Variants in ACOXL observed in about 807,000 individuals in gnomAD.
ACOXL encodes the protein acyl-CoA oxidase like.
Under a neutral mutation model 71.9 loss-of-function variants are expected in ACOXL, and 70 were observed. The observed-to-expected ratio is 0.97, with a 90% CI of 0.80 to 1.19. The LOEUF is 1.19. ACOXL is among the 50% of genes most tolerant of loss of function. ACOXL has a pLI of 0.00. For missense variants in ACOXL, 703 were observed against 736.3 expected (o/e 0.95, Z 0.52); for synonymous variants, 253 against 281.6 (o/e 0.90, Z 1.02).
At chr2:110,826,642 T>C (rs1433813464) in intron 9 of ACOXL, among the ~76,000 whole-genome samples, 1 of 152,164 alleles carries the variant, frequency 6.6e-6, no homozygotes, top group African/African-American at 2.4e-5. Context: ...CATTGATTCA[T>C]AGCAATGCAA....
chr2:111,024,139 C>T (rs1374322808), intron 14 of ACOXL, among the ~76,000 whole-genome samples: 1 of 152,176 alleles, frequency 6.6e-6, no homozygotes, highest in Non-Finnish European at 1.5e-5. Flanking sequence ...CAGCCTAGGA[C>T]TCAGGCTGTG....
chr2:111,009,045 G>A (rs1401270709), intron 14 of ACOXL, among the ~76,000 whole-genome samples: 2 of 151,992 alleles, frequency 1.3e-5, no homozygotes, highest in African/African-American at 4.8e-5. Context: ...CTTGTCTTTC[G>A]ACTTTGTTCA....
At chr2:110,740,913 C>T (rs765335920) in intron 1 of ACOXL, among the ~76,000 whole-genome samples, 2 of 152,266 alleles carry the variant, frequency 1.3e-5, no homozygotes, top group South Asian at 2.1e-4. Flanking sequence ...TTGTGGCTGA[C>T]GTGGACAGTT....
chr2:111,022,713 C>T (rs1005201076), intron 14 of ACOXL, among the ~76,000 whole-genome samples: 2 of 152,100 alleles, frequency 1.3e-5, no homozygotes, highest in African/African-American at 4.8e-5. Flanking sequence ...GACCTCCCAG[C>T]CAGGGCCAAC....
At chr2:110,960,876 A>G (rs189934094) in intron 12 of ACOXL, among the ~76,000 whole-genome samples, 39 of 152,318 alleles carry the variant, frequency 2.6e-4, no homozygotes, top group African/African-American at 8.7e-4. Context: ...GATGGCTGCA[A>G]GCCCCATTCA....
chr2:110,907,577 G>A (rs2059500523), intron 10 of ACOXL, among the ~76,000 whole-genome samples: 2 of 152,088 alleles, frequency 1.3e-5, no homozygotes, highest in African/African-American at 4.8e-5. Flanking sequence ...GATGAAGGGC[G>A]GGTTGGGGTG....
intron 10 of ACOXL, among the ~76,000 whole-genome samples, chr2:110,888,252 T>C (rs1434035542): frequency 6.6e-6 from 1 of 152,154 alleles, no homozygotes; most frequent in African/African-American, 2.4e-5. Context: ...CGGGAAGTGT[T>C]TAGGATCAAG....
Position 110,770,814 on chromosome 2 carries a change from C to T in ACOXL, c.75+2350C>T, listed in dbSNP as rs541480516. Among the ~76,000 whole-genome samples the T allele has an allele frequency of 2.4e-4, 37 of 152,358 alleles. 1 individual carries two copies. The South Asian group carries it at 7.5e-3, about 31-fold the overall frequency. On this transcript the variant is annotated intron_variant, in intron 2 of 17. Transcript: ENST00000439055. ...CTTCTTGCTCCCTTAATCAGCCCAA[C>T]ATGTCTGTGGCTTAACTTAGTGTCA...
intron 3 of ACOXL, among the ~76,000 whole-genome samples, chr2:110,792,464 T>C (rs112581182): frequency 5.2e-4 from 79 of 152,282 alleles, no homozygotes; most frequent in African/African-American, 1.8e-3. Context: ...TTCCTCCTTC[T>C]CTTTGTCAGC....
chr2:110,967,897 A>C, intron 12 of ACOXL: 1 of 1,179,414 alleles, frequency 8.5e-7, no homozygotes, highest in Non-Finnish European at 1.2e-6. Flanking sequence ...GAAATTTAGA[A>C]GACGACAAGA....
intron 12 of ACOXL, among the ~76,000 whole-genome samples, chr2:110,955,467 C>G (rs1344594316): frequency 1.3e-5 from 2 of 149,078 alleles, no homozygotes; most frequent in Non-Finnish European, 3.0e-5. Context: ...TCTCTCGCCA[C>G]CTATGGTCTG....
At chr2:110,743,780 C>T (rs966139438) in intron 1 of ACOXL, among the ~76,000 whole-genome samples, 2 of 152,220 alleles carry the variant, frequency 1.3e-5, no homozygotes, top group Non-Finnish European at 1.5e-5. Flanking sequence ...CCTTGTGGTG[C>T]CTTCCGGAGC....
chr2:110,795,420 G>C (rs191648681), intron 5 of ACOXL, among the ~76,000 whole-genome samples: 1 of 152,170 alleles, frequency 6.6e-6, no homozygotes. Flanking sequence ...AACTCCCTCT[G>C]TGTAGTATTC....
At chr2:110,936,514 A>G (rs1372671452) in intron 12 of ACOXL, among the ~76,000 whole-genome samples, 3 of 151,340 alleles carry the variant, frequency 2.0e-5, no homozygotes, top group African/African-American at 7.3e-5. Flanking sequence ...CTCCCATCAC[A>G]CCCTCCCAAA....
intron 16 of ACOXL, among the ~76,000 whole-genome samples, chr2:111,076,898 G>T (rs564165686): frequency 6.6e-6 from 1 of 152,160 alleles, no homozygotes; most frequent in East Asian, 1.9e-4. Flanking sequence ...TGGCCAACTC[G>T]TTCCAGTCTC....
chr2:111,025,373 T>C (rs1356667637), intron 14 of ACOXL, among the ~76,000 whole-genome samples: 1 of 152,242 alleles, frequency 6.6e-6, no homozygotes, highest in Admixed American at 6.5e-5. Flanking sequence ...GGTTCTTCTA[T>C]AGGTATAGGT....
chr2:110,998,875 T>C (rs2149605967), intron 14 of ACOXL, among the ~76,000 whole-genome samples: 1 of 152,340 alleles, frequency 6.6e-6, no homozygotes, highest in East Asian at 1.9e-4. Context: ...TTAGATTAGA[T>C]TACACATTGT....
At chr2:111,032,942 C>T (rs750872002) in intron 15 of ACOXL, among the ~76,000 whole-genome samples, 1 of 152,248 alleles carries the variant, frequency 6.6e-6, no homozygotes, top group Non-Finnish European at 1.5e-5. Context: ...CTGAGCCCAG[C>T]TTCTTCCTTC....
chr2:110,752,544 A>AG (rs1303273591), intron 1 of ACOXL, among the ~76,000 whole-genome samples: 1 of 151,116 alleles, frequency 6.6e-6, no homozygotes, highest in African/African-American at 2.4e-5. Context: ...GTAGTGATTG[A>AG]GGGGGATCTT....
Sources: gnomAD v4.1 joint callset for allele counts (sites outside exome capture counted in the v4.1 genomes callset) on GRCh38, gnomAD v4.1.1 for gene constraint, MANE v1.5 for transcripts, NCBI Gene and HGNC (gene_info 2026-07-23, HGNC 2026-07-21) for gene names.